Variants in IREB2 observed in about 807,000 individuals in gnomAD.
IREB2 encodes the protein iron-responsive element-binding protein 2.
Under a neutral mutation model 118.8 loss-of-function variants are expected in IREB2, and 39 were observed. The observed-to-expected ratio is 0.33, with a 90% CI of 0.25 to 0.43. IREB2 has a LOEUF of 0.43. Among genes scored for constraint, IREB2 ranks in the 20% least tolerant of loss-of-function variants. The probability of loss-of-function intolerance (pLI) is 1.00; values close to 1 mark genes in which losing one functional copy is unlikely to be tolerated. For missense variants in IREB2, 900 were observed against 1,147.3 expected (o/e 0.78, Z 3.11); for synonymous variants, 372 against 392.2 (o/e 0.95, Z 0.61).
rs1043523176 is a variant in IREB2, at chr15:78,485,685, A to G, written c.1574-20A>G. 1 of 1,609,008 alleles carries G rather than the reference A, an allele frequency of 6.2e-7. No homozygotes were observed. The highest frequency in any genetic ancestry group is 8.5e-7 in the Non-Finnish European group (1 of 1,177,556). ...GAAAGAAACATTGCCATAATAAATCATTGTTTGTTGGCTGTGCAGGTCTTT... is the reference window on the plus strand; with the variant it reads ...GAAAGAAACATTGCCATAATAAATCGTTGTTTGTTGGCTGTGCAGGTCTTT... On this transcript the variant is annotated intron_variant, in intron 12 of 21. Coordinates refer to ENST00000258886, the MANE Select transcript of IREB2 (RefSeq NM_004136.4).
chr15:78,454,115 G>T (rs2051068491), intron 2 of IREB2, among the ~76,000 whole-genome samples: 1 of 152,166 alleles, frequency 6.6e-6, no homozygotes, highest in African/African-American at 2.4e-5. Flanking sequence ...CAGCCACTTT[G>T]GGAAACAATT....
At chr15:78,467,818 C>T (rs1166267935) in intron 5 of IREB2, among the ~76,000 whole-genome samples, 1 of 152,152 alleles carries the variant, frequency 6.6e-6, no homozygotes, top group African/African-American at 2.4e-5. Flanking sequence ...AACTCTTAGG[C>T]TCAAGCGATC....
chr15:78,478,822 C>T (rs2051519592), intron 10 of IREB2, among the ~76,000 whole-genome samples: 1 of 152,026 alleles, frequency 6.6e-6, no homozygotes, highest in South Asian at 2.1e-4. Flanking sequence ...CTTTCTGCCT[C>T]AGTTTTCTCA....
At chr15:78,496,540 T>G (rs756005966) in intron 20 of IREB2, among the ~76,000 whole-genome samples, 1 of 152,210 alleles carries the variant, frequency 6.6e-6, no homozygotes, top group Non-Finnish European at 1.5e-5. Context: ...AGTGCTGGCA[T>G]TACAGGTGTG....
chr15:78,477,532 G>A (rs1439215795), intron 9 of IREB2, among the ~76,000 whole-genome samples: 1 of 152,150 alleles, frequency 6.6e-6, no homozygotes, highest in African/African-American at 2.4e-5. Context: ...ATTCTCAAGG[G>A]TTAGGAGAAA....
At chr15:78,492,250 C>T (rs1330239523) in intron 18 of IREB2, among the ~76,000 whole-genome samples, 1 of 152,104 alleles carries the variant, frequency 6.6e-6, no homozygotes, top group East Asian at 1.9e-4. Flanking sequence ...TAGCAATACC[C>T]CCCGCACCCA....
At chr15:78,449,843 A>G (rs2050993859) in intron 2 of IREB2, among the ~76,000 whole-genome samples, 1 of 152,132 alleles carries the variant, frequency 6.6e-6, no homozygotes, top group Non-Finnish European at 1.5e-5. Flanking sequence ...ATCTTCCACT[A>G]AGTAACTGAT....
intron 20 of IREB2, among the ~76,000 whole-genome samples, chr15:78,494,868 G>A (rs1290971888): frequency 1.3e-5 from 2 of 152,118 alleles, no homozygotes; most frequent in East Asian, 1.9e-4. Flanking sequence ...CCATGTGCCC[G>A]GCCCCCACTG....
At position 78,494,318 on chromosome 15, in the gene IREB2, C is replaced by T. The variant is rs914991656; in HGVS notation, c.2595+54C>T. Reference sequence around the variant, plus strand: ...AGCTTCAAAGAGTTTTAACTGTTCCCTTTTGTCAGTAACATCCTGTCAAAG... The same window carrying T: ...AGCTTCAAAGAGTTTTAACTGTTCCTTTTTGTCAGTAACATCCTGTCAAAG... On this transcript the variant is annotated intron_variant, in intron 20 of 21. Coordinates refer to ENST00000258886, the MANE Select transcript of IREB2 (RefSeq NM_004136.4). The T allele has an allele frequency of 4.5e-6, 7 of 1,550,480 alleles. No individual in the cohort carries two copies. The African/African-American group carries it at 5.5e-5, about 12-fold the overall frequency.
intron 5 of IREB2, among the ~76,000 whole-genome samples, chr15:78,466,826 C>T (rs1045030647): frequency 6.6e-6 from 1 of 152,106 alleles, no homozygotes; most frequent in African/African-American, 2.4e-5. Context: ...CATTCATATA[C>T]TCGTTAGTCA....
chr15:78,461,876 A>G (rs2051203043), intron 2 of IREB2, among the ~76,000 whole-genome samples: 2 of 152,192 alleles, frequency 1.3e-5, no homozygotes. Flanking sequence ...ATGACTGAAT[A>G]TAGTTTTCTT....
At chr15:78,461,039 A>T (rs2141472915) in intron 2 of IREB2, among the ~76,000 whole-genome samples, 1 of 152,274 alleles carries the variant, frequency 6.6e-6, no homozygotes, top group Non-Finnish European at 1.5e-5. Flanking sequence ...ATGAACATTT[A>T]TTAGTTCAGA....
chr15:78,490,096 C>T (rs965969616), intron 16 of IREB2, among the ~76,000 whole-genome samples: 5 of 152,020 alleles, frequency 3.3e-5, no homozygotes, highest in South Asian at 2.1e-4. Flanking sequence ...TCATTCTGTC[C>T]AAAAACATCA....
rs532010137 is a variant in IREB2, at chr15:78,497,557, A to G, written c.2781+246A>G. ...CACATGAAGGGGAATCTTGACTTCCACTTAACAAGTGTCAGCTTTCTTTTC... is the reference window on the plus strand; with the variant it reads ...CACATGAAGGGGAATCTTGACTTCCGCTTAACAAGTGTCAGCTTTCTTTTC... On this transcript the variant is annotated intron_variant, in intron 21 of 21. Coordinates refer to ENST00000258886, the MANE Select transcript of IREB2 (RefSeq NM_004136.4). Among the ~76,000 whole-genome samples, 40 of 152,294 alleles carry G rather than the reference A, an allele frequency of 2.6e-4. No individual in the cohort carries two copies. The South Asian group carries it at 3.5e-3, about 13-fold the overall frequency.
intron 2 of IREB2, among the ~76,000 whole-genome samples, chr15:78,458,325 ATT>A (rs1471475100): frequency 6.6e-6 from 1 of 152,208 alleles, no homozygotes; most frequent in Non-Finnish European, 1.5e-5. Context: ...AGGTTCATCA[ATT>A]GTAATAAATA....
At chr15:78,446,777 C>T (rs914592441) in intron 2 of IREB2, among the ~76,000 whole-genome samples, 1 of 151,708 alleles carries the variant, frequency 6.6e-6, no homozygotes, top group Non-Finnish European at 1.5e-5. Context: ...GCTTTTGCGT[C>T]GCTGCTGTAG....
In IREB2 at chr15:78,465,367, T is replaced by C. The variant is rs780842947; in HGVS notation, c.389T>C (p.Leu130Ser). The change falls in exon 4 of 22, where the codon TTA becomes TCA. Residue 130 changes from leucine (L) to serine (S), a missense_variant. Coordinates refer to ENST00000258886, the MANE Select transcript of IREB2 (RefSeq NM_004136.4). ...CPTDLTVDHS[L>S]QIDFSKCAIQ... ...ACAGATCTTACAGTTGACCATTCTT[T>C]ACAAATTGACTTCAGTAAATGGTAC... 6.2e-7 allele frequency: 1 copy of C among 1,611,848 alleles called. No homozygotes were observed. The highest frequency in any genetic ancestry group is 1.1e-5 in the South Asian group (1 of 90,384).
intron 2 of IREB2, among the ~76,000 whole-genome samples, chr15:78,450,372 T>C (rs2051002823): frequency 6.6e-6 from 1 of 152,154 alleles, no homozygotes; most frequent in African/African-American, 2.4e-5. Flanking sequence ...TAAGGGAGAA[T>C]ACCCAAGGAA....
chr15:78,465,498 A>G (rs912311449), intron 4 of IREB2, 110 bp downstream of exon 4: 1 of 1,035,788 alleles, frequency 9.7e-7, no homozygotes, highest in African/African-American at 1.6e-5. Context: ...AGTATGCTAA[A>G]TTTAGTATTG....
Sources: allele counts gnomAD v4.1 joint callset (sites outside exome capture counted in the v4.1 genomes callset), GRCh38; gene constraint gnomAD v4.1.1; transcripts MANE v1.5; gene names NCBI Gene and HGNC (gene_info 2026-07-23, HGNC 2026-07-21).